RNF144A: variants seen among roughly 807,000 people sequenced by gnomAD.
The protein encoded by RNF144A is ring finger protein 144A.
Under a neutral mutation model 38.7 loss-of-function variants are expected in RNF144A, and 11 were observed. The ratio of observed to expected loss-of-function variants is 0.28; its 90% CI spans 0.18 to 0.47. The LOEUF is 0.47. RNF144A is among the 20% of genes least tolerant of loss of function. The probability of loss-of-function intolerance (pLI) is 0.99; values close to 1 mark genes in which losing one functional copy is unlikely to be tolerated. For missense variants in RNF144A, 316 were observed against 377.2 expected (o/e 0.84, Z 1.34); for synonymous variants, 149 against 143.9 (o/e 1.04, Z -0.25).
chr2:6,949,808 T>G (rs1666563927), intron 2 of RNF144A, among the ~76,000 whole-genome samples: 1 of 152,218 alleles, frequency 6.6e-6, no homozygotes, highest in African/African-American at 2.4e-5. Flanking sequence ...AGGAATTACT[T>G]AAGGAATTAT....
At chr2:7,003,872 G>A (rs990067054) in intron 3 of RNF144A, among the ~76,000 whole-genome samples, 3 of 152,196 alleles carry the variant, frequency 2.0e-5, no homozygotes, top group African/African-American at 4.8e-5. Context: ...TTTTCTGCAC[G>A]CTTTGTTTCC....
chr2:7,000,192 G>A (rs1217479168), intron 3 of RNF144A, among the ~76,000 whole-genome samples: 1 of 152,196 alleles, frequency 6.6e-6, no homozygotes, highest in Admixed American at 6.5e-5. Flanking sequence ...TGGGAGCTTG[G>A]GGATGATGAG....
At chr2:7,045,035 C>G (rs1389246000), downstream of RNF144A, among the ~76,000 whole-genome samples, 1 of 152,212 alleles carries the variant, frequency 6.6e-6, no homozygotes, top group East Asian at 1.9e-4. Flanking sequence ...TCGGCCAGGC[C>G]GGAAGGTCAG....
At chr2:6,976,356 GT>G (rs1365829042) in intron 2 of RNF144A, among the ~76,000 whole-genome samples, 1 of 152,026 alleles carries the variant, frequency 6.6e-6, no homozygotes, top group Non-Finnish European at 1.5e-5. Context: ...TTATAATTGT[GT>G]TTGTTTGAGG....
chr2:6,991,918 A>G (rs1669410335), intron 2 of RNF144A, among the ~76,000 whole-genome samples: 1 of 152,164 alleles, frequency 6.6e-6, no homozygotes, highest in African/African-American at 2.4e-5. Context: ...CCCTTGAATA[A>G]TGTATCGTCA....
At chr2:7,020,390 G>A (rs1671439040) in intron 5 of RNF144A, 83 bp from the exon 6 acceptor site, 23 of 1,218,746 alleles carry the variant, frequency 1.9e-5, no homozygotes, top group South Asian at 5.1e-5. Flanking sequence ...CTCCCTGTCC[G>A]TGCACTGAGG....
intron 6 of RNF144A, among the ~76,000 whole-genome samples, chr2:7,059,083 C>T (rs1003030745): frequency 6.6e-6 from 1 of 152,112 alleles, no homozygotes; most frequent in African/African-American, 2.4e-5. Context: ...CACCGTGGCT[C>T]ACACCTGTAA....
At chr2:6,942,341 G>A (rs948830478) in intron 2 of RNF144A, among the ~76,000 whole-genome samples, 1 of 150,784 alleles carries the variant, frequency 6.6e-6, no homozygotes. Context: ...TGGAGGACAA[G>A]GGTGTAAAAT....
chr2:6,919,264 TGTGTGA>T (rs1664374831), intron 1 of RNF144A, among the ~76,000 whole-genome samples: 2 of 152,094 alleles, frequency 1.3e-5, no homozygotes, highest in African/African-American at 4.8e-5. Context: ...AGGGACAAGG[TGTGTGA>T]CACCGTGAAC....
rs570104826 is a variant in RNF144A, at chr2:7,064,751, T to A, written c.735-3465T>A. 6.8e-4 allele frequency among the ~76,000 whole-genome samples: 103 copies of A among 152,180 alleles called. No individual in the cohort carries two copies. In the Middle Eastern group the frequency reaches 0.024, roughly 35 times the overall value. ...TCCAGAGGTAGGGAAGGATAAAAGGTGGTATTTGAGCTTCGCCTTGACACA... is the reference window on the plus strand; with the variant it reads ...TCCAGAGGTAGGGAAGGATAAAAGGAGGTATTTGAGCTTCGCCTTGACACA... On this transcript the variant is annotated intron_variant, in intron 6 of 6. Transcript: ENST00000432850.
intron 2 of RNF144A, among the ~76,000 whole-genome samples, chr2:6,974,557 C>CTTTTTTT (rs893914545): frequency 1.4e-5 from 2 of 146,864 alleles, no homozygotes; most frequent in African/African-American, 2.5e-5. Context: ...ATTAACACTG[C>CTTTTTTT]TTTTTTTTTT....
At chr2:6,957,077 A>G (rs1667052868) in intron 2 of RNF144A, among the ~76,000 whole-genome samples, 1 of 152,106 alleles carries the variant, frequency 6.6e-6, no homozygotes, top group Non-Finnish European at 1.5e-5. Context: ...GTGAGGAATA[A>G]TTGGTGGCCC....
chr2:6,996,992 C>G lies in RNF144A; in HGVS notation c.66C>G (p.Leu22=), dbSNP rs145129746. 6.8e-6 allele frequency: 11 copies of G among 1,614,076 alleles called. No homozygotes were observed. The highest frequency in any genetic ancestry group is 9.3e-6 in the Non-Finnish European group (11 of 1,180,010). ...LALDPLVSCK[L]CLGEYPVEQM... ...TCGACCCGCTGGTGTCTTGCAAGCT[C>G]TGTCTTGGGGAGTACCCAGTGGAGC... Residue 22 remains leucine (L), a synonymous_variant, in exon 3 of 9, where the codon CTC becomes CTG. Coordinates refer to ENST00000320892, the MANE Select transcript of RNF144A (RefSeq NM_014746.6).
intron 3 of RNF144A, among the ~76,000 whole-genome samples, chr2:7,009,416 T>C (rs1670653851): frequency 6.6e-6 from 1 of 152,094 alleles, no homozygotes; most frequent in South Asian, 2.1e-4. Context: ...GCCTGCCTCC[T>C]GCACACCACC....
the RNF144A span, among the ~76,000 whole-genome samples, chr2:7,075,230 A>G: frequency 1.3e-5 from 2 of 151,852 alleles, no homozygotes; most frequent in East Asian, 2.0e-4. Context: ...CTTTATTTCT[A>G]TCTCATGATT....
At chr2:7,051,476 G>T (rs1408291841) in intron 6 of RNF144A, among the ~76,000 whole-genome samples, 1 of 152,196 alleles carries the variant, frequency 6.6e-6, no homozygotes, top group Non-Finnish European at 1.5e-5. Context: ...ATGTAGGGGA[G>T]CTTGGATGCA....
At chr2:6,993,320 T>C (rs1669515355) in intron 2 of RNF144A, among the ~76,000 whole-genome samples, 1 of 152,114 alleles carries the variant, frequency 6.6e-6, no homozygotes, top group Non-Finnish European at 1.5e-5. Context: ...GGCCATGGGC[T>C]GACCTGTGCC....
intron 2 of RNF144A, among the ~76,000 whole-genome samples, chr2:6,973,286 C>T (rs1318333626): frequency 2.0e-5 from 3 of 152,182 alleles, no homozygotes; most frequent in Non-Finnish European, 2.9e-5. Flanking sequence ...ATTAGACTCA[C>T]GTGGTGTCTT....
intron 6 of RNF144A, among the ~76,000 whole-genome samples, chr2:7,053,671 G>A (rs1406830130): frequency 6.6e-6 from 1 of 152,220 alleles, no homozygotes; most frequent in East Asian, 1.9e-4. Flanking sequence ...GTGTATGATA[G>A]CAAGGTAAAG....
Sources: allele counts gnomAD v4.1 joint callset (sites outside exome capture counted in the v4.1 genomes callset), GRCh38; gene constraint gnomAD v4.1.1; transcripts MANE v1.5; gene names NCBI Gene and HGNC (gene_info 2026-07-23, HGNC 2026-07-21).